Variants in PER3 observed in about 807,000 individuals in gnomAD.
The protein encoded by PER3 is period circadian protein homolog 3.
Under a neutral mutation model 127.2 loss-of-function variants are expected in PER3, and 107 were observed. That is an observed-to-expected ratio of 0.84 (90% CI 0.72 to 0.99). The LOEUF is 0.99. PER3 is among the 50% of genes least tolerant of loss of function. The pLI is 0.00. For missense variants in PER3, 1,560 were observed against 1,525.8 expected (o/e 1.02, Z -0.37); for synonymous variants, 618 against 585.8 (o/e 1.05, Z -0.79).
chr1:7,788,264 C>G lies in PER3; in HGVS notation c.592+18C>G. 1.3e-6 allele frequency: 2 copies of G among 1,532,430 alleles called. No homozygotes were observed. Among genetic ancestry groups the G allele is most frequent in the South Asian group, 2.2e-5 (2 of 89,242 alleles). 94.9% of individuals were successfully genotyped at this position (1,532,430 alleles called of 1,614,324 possible). ...CCAAAGAGGTAACAGGACCAATGTT[C>G]AGATGTCTATCTTTCCTCATCAAGA... is the stretch of plus-strand genomic sequence containing the variant. On this transcript the variant is annotated intron_variant, in intron 5 of 21. Coordinates refer to ENST00000377532, the MANE Select transcript of PER3 (RefSeq NM_001377275.1).
chr1:7,801,214 A>T (rs2097169367), intron 8 of PER3, 23 bp downstream of exon 8: 1 of 1,297,616 alleles, frequency 7.7e-7, no homozygotes, highest in Admixed American at 2.1e-5. Context: ...TTAAGCCTAA[A>T]AGAAATTTGT....
chr1:7,803,965 T>C (rs2097181761), intron 10 of PER3, 117 bp downstream of exon 10: 3 of 803,468 alleles, frequency 3.7e-6, no homozygotes, highest in Non-Finnish European at 5.9e-6. Context: ...CACAGATTTG[T>C]TTTCGGTGCT....
chr1:7,827,075 G>T (rs1463306616), intron 17 of PER3, 43 bp from the exon 18 acceptor site: 1 of 1,442,498 alleles, frequency 6.9e-7, no homozygotes, highest in South Asian at 1.4e-5. Flanking sequence ...TCTTCTTTTT[G>T]GGTTTAATTT....
rs749600392 is a variant in PER3, at chr1:7,827,279, T to C, written c.2350T>C (p.Ser784Pro). Residue 784 changes from serine to proline, a missense_variant, in exon 18 of 22, where the codon TCC becomes CCC. By Grantham distance (74) the Ser-to-Pro change is moderately conservative. Around this residue, in one of 3 missense-constraint regions of PER3, gnomAD observed 1,332 missense variants for 1,223.6 expected, o/e 1.09. Coordinates refer to ENST00000377532, the MANE Select transcript of PER3 (RefSeq NM_001377275.1). ...NAQPCCPSAA[S>P]SPHTSSPTFP... ...ACAGCCCTGCTGCCCCTCCGCGGCC[T>C]CCTCTCCGCACACCTCGAGCCCGAC... The C allele has an allele frequency of 2.5e-6, 4 of 1,613,732 alleles. No homozygotes were observed. The highest frequency in any genetic ancestry group is 3.4e-6 in the Non-Finnish European group (4 of 1,179,852).
intron 20 of PER3, among the ~76,000 whole-genome samples, chr1:7,836,151 C>T (rs1201515294): frequency 6.6e-6 from 1 of 151,978 alleles, no homozygotes; most frequent in Non-Finnish European, 1.5e-5. Flanking sequence ...ATGTGCACCA[C>T]CATGCGTGTC....
At chr1:7,823,343 C>A (rs1423104905) in intron 16 of PER3, among the ~76,000 whole-genome samples, 1 of 152,184 alleles carries the variant, frequency 6.6e-6, no homozygotes, top group African/African-American at 2.4e-5. Flanking sequence ...TTAATAACAG[C>A]TTTGAAAGCT....
At chr1:7,812,855 A>G (rs544967065) in intron 13 of PER3, among the ~76,000 whole-genome samples, 1 of 152,272 alleles carries the variant, frequency 6.6e-6, no homozygotes, top group Non-Finnish European at 1.5e-5. Context: ...TTGGAGACCT[A>G]CAAGTTTAAA....
At chr1:7,807,840 C>T (rs1225562837) in intron 10 of PER3, among the ~76,000 whole-genome samples, 2 of 152,164 alleles carry the variant, frequency 1.3e-5, no homozygotes, top group African/African-American at 4.8e-5. Context: ...CCTGCCAGGC[C>T]ACCTGGAAAA....
At chr1:7,827,867 A>C (rs761893700) in intron 18 of PER3, 52 bp downstream of exon 18, 1 of 1,426,872 alleles carries the variant, frequency 7.0e-7, no homozygotes, top group Non-Finnish European at 9.7e-7. Flanking sequence ...TATCTTACTA[A>C]AGTTAAGGTG....
rs1286504265 is a variant in PER3 at position 7,836,983 on chromosome 1, G to A, written c.3399-16G>A. The A allele has an allele frequency of 6.2e-7, 1 of 1,605,350 alleles. No homozygotes were observed. The highest frequency in any genetic ancestry group is 8.5e-7 in the Non-Finnish European group (1 of 1,174,510). On this transcript the variant is annotated splice_polypyrimidine_tract_variant and intron_variant, in intron 20 of 21. Coordinates refer to ENST00000377532, the MANE Select transcript of PER3 (RefSeq NM_001377275.1). ...TCTTATTCAGGACTATTAAGATTCTGTTTGTTTGTTTTCAGGGTTAAAGAA... is the reference window on the plus strand; with the variant it reads ...TCTTATTCAGGACTATTAAGATTCTATTTGTTTGTTTTCAGGGTTAAAGAA...
At position 7,785,509 on chromosome 1, in the gene PER3, T is replaced by G; in HGVS notation, c.197T>G (p.Phe66Cys). 1 of 1,611,246 alleles carries G rather than the reference T, an allele frequency of 6.2e-7. No homozygotes were observed. ...IMVVQEMKKYFPSERRNKPST... is the reference protein window; with the variant it reads ...IMVVQEMKKYCPSERRNKPST... ...GTTGTCCAAGAAATGAAAAAATACT[T>G]CCCCTCGGAGAGACGCAATAAACCA... is the stretch of plus-strand genomic sequence containing the variant. Residue 66 changes from phenylalanine to cysteine, a missense_variant, in exon 3 of 22, where the codon TTC becomes TGC. This residue lies in a region of PER3 where 1,332 missense variants were observed against 1,223.6 expected (regional missense o/e 1.09). Coordinates refer to ENST00000377532, the MANE Select transcript of PER3 (RefSeq NM_001377275.1).
chr1:7,809,772 C>T (rs1238851405), intron 11 of PER3, 121 bp from the exon 12 acceptor site: 4 of 942,520 alleles, frequency 4.2e-6, no homozygotes, highest in African/African-American at 1.7e-5. Flanking sequence ...CCAACCTGCA[C>T]ACACCTAATT....
chr1:7,790,166 C>T lies in PER3; in HGVS notation c.592+1920C>T, dbSNP rs150722222. 3.0e-4 allele frequency among the ~76,000 whole-genome samples: 46 copies of T among 152,240 alleles called. No homozygotes were observed. In the East Asian group the frequency reaches 8.3e-3, roughly 27 times the overall value. On this transcript the variant is annotated intron_variant, in intron 5 of 21. Transcript: ENST00000377532. ...CTGATTACTGATTACTGCGATATTTCCCTTCTGTATTAGTCCATTCTTACG... is the reference window on the plus strand; with the variant it reads ...CTGATTACTGATTACTGCGATATTTTCCTTCTGTATTAGTCCATTCTTACG...
In PER3 at chr1:7,784,605, GGACT is replaced by G. The variant is rs1255864191; in HGVS notation, c.-224-47_-224-44del. The stretch of plus-strand genomic sequence containing the variant: ...CCCAGCCAGCCGGGCCGCTGGCGTC[GGACT>G]GTCTGTTCCATTTGTCCCTTGTCAC... On this transcript the variant is annotated intron_variant, in intron 1 of 21. Coordinates refer to ENST00000377532, the MANE Select transcript of PER3 (RefSeq NM_001377275.1). 3 of 312,892 alleles carry G rather than the reference GGACT, an allele frequency of 9.6e-6. No homozygotes were observed. In the East Asian group the frequency reaches 1.6e-4, roughly 17 times the overall value. 19.4% of individuals were successfully genotyped at this position (312,892 alleles called of 1,614,324 possible).
chr1:7,807,305 A>C (rs1036473643), intron 10 of PER3, among the ~76,000 whole-genome samples: 2 of 152,234 alleles, frequency 1.3e-5, no homozygotes, highest in African/African-American at 4.8e-5. Flanking sequence ...TACAGTCTAG[A>C]TGCTAAAGTA....
intron 6 of PER3, among the ~76,000 whole-genome samples, chr1:7,794,662 T>C (rs981838178): frequency 3.9e-5 from 6 of 152,086 alleles, no homozygotes; most frequent in African/African-American, 7.2e-5. Flanking sequence ...AAAATTAATT[T>C]TTGAAATTTT....
At chr1:7,786,494 A>G (rs1449977867) in intron 3 of PER3, among the ~76,000 whole-genome samples, 2 of 152,214 alleles carry the variant, frequency 1.3e-5, no homozygotes, top group South Asian at 2.1e-4. Context: ...AGTACCTTAA[A>G]TGTATCTTGC....
chr1:7,802,688 A>G (rs1164788700), intron 8 of PER3, among the ~76,000 whole-genome samples: 2 of 152,238 alleles, frequency 1.3e-5, no homozygotes, highest in African/African-American at 4.8e-5. Context: ...TTTAAATGGC[A>G]ACATAAACAT....
chr1:7,794,322 G>A (rs964229986), intron 6 of PER3, among the ~76,000 whole-genome samples: 6 of 152,032 alleles, frequency 3.9e-5, no homozygotes, highest in African/African-American at 1.2e-4. Context: ...GTGAAACGGC[G>A]TTTCTACTAA....
Sources: gnomAD v4.1 joint callset for allele counts (sites outside exome capture counted in the v4.1 genomes callset) on GRCh38, gnomAD v4.1.1 for gene constraint, gnomAD v4.1.1 regional missense constraint, MANE v1.5 for transcripts, NCBI Gene and HGNC (gene_info 2026-07-23, HGNC 2026-07-21) for gene names.